Variants in BRF1 observed in about 807,000 individuals in gnomAD.
The protein encoded by BRF1 is transcription factor IIIB 90 kDa subunit.
BRF1 carries 59 observed loss-of-function variants against 81.7 expected under a neutral mutation model. The ratio of observed to expected loss-of-function variants is 0.72; its 90% CI spans 0.59 to 0.90. The LOEUF (loss-of-function observed/expected upper bound fraction) is 0.90, where lower values mean the gene tolerates loss of function less well. Ranked by LOEUF, BRF1 falls within the 40% of genes least tolerant of loss-of-function variation. BRF1 has a pLI of 0.00. For missense variants in BRF1, 1,050 were observed against 936.3 expected (o/e 1.12, Z -1.58); for synonymous variants, 491 against 395.6 (o/e 1.24, Z -2.86).
intron 2 of BRF1, among the ~76,000 whole-genome samples, chr14:105,275,083 A>G (rs1368052229): frequency 6.6e-6 from 1 of 152,238 alleles, no homozygotes; most frequent in East Asian, 1.9e-4. Flanking sequence ...ATAAGGGCAC[A>G]TGAGCTGGAG....
At position 105,215,940 on chromosome 14, in the gene BRF1, TACACAG is replaced by T. The variant is rs200004298; in HGVS notation, c.1772+1598_1772+1603del. Among the ~76,000 whole-genome samples the T allele has an allele frequency of 9.4e-3, 1,060 of 112,428 alleles. 46 individuals are homozygous for T. Among genetic ancestry groups the T allele is most frequent in the Admixed American group, 0.073 (732 of 10,060 alleles). 73.8% of individuals were successfully genotyped at this position (112,428 alleles called of 152,430 possible). A position where few individuals can be genotyped will look rare whatever the true frequency, so the allele number is the denominator to read the frequency against. ...CGCAGACAGGCACACACACACTGCA[TACACAG>T]ACACAGGCACACACACACATGCACA... On this transcript the variant is annotated intron_variant, in intron 15 of 17. Coordinates refer to ENST00000547530, the MANE Select transcript of BRF1 (RefSeq NM_001519.4).
intron 14 of BRF1, among the ~76,000 whole-genome samples, chr14:105,218,672 G>A (rs1166793732): frequency 5.3e-5 from 8 of 152,246 alleles, no homozygotes; most frequent in Non-Finnish European, 1.2e-4. Context: ...CAGGGCGTCA[G>A]AAGAGCAAAC....
chr14:105,255,034 C>T (rs1303726901), intron 4 of BRF1, among the ~76,000 whole-genome samples: 1 of 152,250 alleles, frequency 6.6e-6, no homozygotes, highest in Admixed American at 6.5e-5. Flanking sequence ...TGCCTGCAGA[C>T]TGCCCTCGTG....
At position 105,288,447 on chromosome 14, in the gene BRF1, G is replaced by A. The variant is rs141332713; in HGVS notation, c.185-2071C>T. Reference sequence around the variant, plus strand: ...AGCCTGGGTGACAGAGCAAGACTCCGTCTCAAAAAAATAAAAATAAAAATA... The same window carrying A: ...AGCCTGGGTGACAGAGCAAGACTCCATCTCAAAAAAATAAAAATAAAAATA... On this transcript the variant is annotated intron_variant, in intron 1 of 17. Transcript: ENST00000547530. Among the ~76,000 whole-genome samples the A allele has an allele frequency of 3.8e-3, 569 of 150,968 alleles. 1 individual carries two copies. The highest frequency in any genetic ancestry group is 0.013 in the African/African-American group (542 of 41,122).
intron 9 of BRF1, 27 bp from the exon 10 acceptor site, chr14:105,226,188 G>A (rs2141556679): frequency 1.9e-6 from 3 of 1,613,926 alleles, no homozygotes; most frequent in Non-Finnish European, 2.5e-6. Context: ...AAAGCAAAAA[G>A]TCAGCATAAA....
intron 6 of BRF1, 115 bp from the exon 7 acceptor site, chr14:105,229,028 G>T: frequency 1.1e-6 from 1 of 929,408 alleles, no homozygotes; most frequent in Non-Finnish European, 1.7e-6. Context: ...CTGAGAAGAC[G>T]TGTCTGTGCC....
chr14:105,263,752 T>C (rs146401355), intron 3 of BRF1, among the ~76,000 whole-genome samples: 3,477 of 151,882 alleles, frequency 0.023, 90 homozygotes, highest in African/African-American at 0.063. Context: ...GGCGAAACCC[T>C]GTCTCTACTA....
At chr14:105,221,584 G>T in intron 11 of BRF1, 64 bp downstream of exon 11, 2 of 1,561,650 alleles carry the variant, frequency 1.3e-6, no homozygotes, top group Non-Finnish European at 8.6e-7. Context: ...CTCCCCATGA[G>T]AGGCACACGC....
intron 5 of BRF1, chr14:105,248,149 G>A (rs868734028): frequency 7.1e-6 from 7 of 985,386 alleles, no homozygotes; most frequent in Middle Eastern, 1.0e-3. Flanking sequence ...TCAGAGCAGA[G>A]TGGACCGCGC....
At position 105,309,738 on chromosome 14, in the gene BRF1, A is replaced by T. The variant is rs775197176; in HGVS notation, c.-162+5584T>A. 2.3e-4 allele frequency among the ~76,000 whole-genome samples: 33 copies of T among 143,708 alleles called. No homozygotes were observed. The highest frequency in any genetic ancestry group is 3.3e-4 in the Non-Finnish European group (22 of 66,032). 94.3% of individuals were successfully genotyped at this position (143,708 alleles called of 152,430 possible). A position where few individuals can be genotyped will look rare whatever the true frequency, so the allele number is the denominator to read the frequency against. On this transcript the variant is annotated intron_variant, in intron 1 of 17. Coordinates refer to the BRF1 transcript ENST00000327359. This position sits in a 1 kb window ranked among gnomAD's most constrained non-coding sequence, Gnocchi z 4.0. ...ACGACCTTAGGTCTGTATTAGGTCT[A>T]GATTAGCCTGCATTAAGGAGAAGGT...
intron 1 of BRF1, among the ~76,000 whole-genome samples, chr14:105,297,265 G>C (rs184929316): frequency 1.0e-3 from 154 of 152,210 alleles, no homozygotes; most frequent in Non-Finnish European, 1.7e-3. Flanking sequence ...TGGACTACAA[G>C]ATTCAACATA....
intron 14 of BRF1, among the ~76,000 whole-genome samples, chr14:105,218,586 T>TC (rs1473287685): frequency 6.6e-6 from 1 of 152,124 alleles, no homozygotes; most frequent in Non-Finnish European, 1.5e-5. Context: ...GAAGGCACAT[T>TC]CCGCCAGAGA....
chr14:105,223,468 C>T (rs958771606), intron 10 of BRF1, among the ~76,000 whole-genome samples: 1 of 152,226 alleles, frequency 6.6e-6, no homozygotes, highest in Admixed American at 6.5e-5. Context: ...GAAGGACTAC[C>T]GACTGCCACG....
chr14:105,226,046 G>A, intron 10 of BRF1, 23 bp downstream of exon 10: 1 of 1,602,870 alleles, frequency 6.2e-7, no homozygotes, highest in Non-Finnish European at 8.5e-7. Context: ...GGTCTGAATA[G>A]GGGCCGGGCA....
At chr14:105,249,940 C>T (rs587670171) in intron 5 of BRF1, 1 of 1,611,820 alleles carries the variant, frequency 6.2e-7, no homozygotes, top group African/African-American at 1.3e-5. Flanking sequence ...AGGCCCTCAA[C>T]ACCAAAGAGG....
rs587757064 is a variant in BRF1, at chr14:105,309,974, C to A, written c.-162+5348G>T. On this transcript the variant is annotated intron_variant, in intron 1 of 17. Transcript: ENST00000327359. The surrounding 1 kb of genome is among the most constrained non-coding windows in gnomAD (Gnocchi z 4.0). ...CTAATTTTTGTATTTTTAGTAGAGA[C>A]GGGGTTTCAGTGTATTGGTCAGGCT... Among the ~76,000 whole-genome samples, 1 of 151,264 alleles carries A rather than the reference C, an allele frequency of 6.6e-6. No homozygotes were observed. Among genetic ancestry groups the A allele is most frequent in the Admixed American group, 6.6e-5 (1 of 15,168 alleles).
chr14:105,222,112 G>A (rs1892374746), intron 10 of BRF1, 198 bp from the exon 11 acceptor site: 2 of 571,862 alleles, frequency 3.5e-6, no homozygotes, highest in Non-Finnish European at 5.8e-6. Context: ...GCAGATCACA[G>A]ACCTAGGGGG....
intron 1 of BRF1, among the ~76,000 whole-genome samples, chr14:105,297,876 G>T (rs1444530798): frequency 6.6e-6 from 1 of 152,102 alleles, no homozygotes; most frequent in Non-Finnish European, 1.5e-5. Context: ...GTCGCCTGTA[G>T]TCCCAGCTAC....
chr14:105,293,997 G>A (rs988554237), intron 1 of BRF1, among the ~76,000 whole-genome samples: 4 of 152,210 alleles, frequency 2.6e-5, no homozygotes, highest in African/African-American at 9.6e-5. Flanking sequence ...AGGAAGGGGC[G>A]GCTGGGGCCT....
Sources: gnomAD v4.1 joint callset for allele counts (sites outside exome capture counted in the v4.1 genomes callset) on GRCh38, gnomAD v4.1.1 for gene constraint, Gnocchi (gnomAD v3.1) non-coding constraint, MANE v1.5 for transcripts, NCBI Gene and HGNC (gene_info 2026-07-23, HGNC 2026-07-21) for gene names.